The following CFAP97 variants were observed in gnomAD, a reference collection of about 807,000 sequenced individuals.
CFAP97 encodes cilia and flagella associated protein 97, also known as cilia- and flagella-associated protein 97.
Under a neutral mutation model 43.1 loss-of-function variants are expected in CFAP97, and 36 were observed. The observed-to-expected ratio is 0.84, with a 90% confidence interval of 0.64 to 1.10. The LOEUF is 1.10. Among genes scored for constraint, CFAP97 ranks in the 50% least tolerant of loss-of-function variants. The probability of loss-of-function intolerance (pLI) is 0.00; values close to 1 mark genes in which losing one functional copy is unlikely to be tolerated. For missense variants in CFAP97, 657 were observed against 620.3 expected (o/e 1.06, Z -0.63); for synonymous variants, 228 against 225.7 (o/e 1.01, Z -0.09).
chr4:185,190,187 T>C lies in CFAP97; in HGVS notation c.1010A>G (p.Gln337Arg), dbSNP rs750242030. 2.4e-5 allele frequency: 39 copies of C among 1,597,076 alleles called. 1 individual carries two copies. The Admixed American group carries it at 6.4e-4, about 26-fold the overall frequency. ...LDSSLDHRHKQKVLHDTMDLN... is the reference protein window; with the variant it reads ...LDSSLDHRHKRKVLHDTMDLN... ...ATCCATTGTGTCATGTAAGACTTTCTGTTTATGTCTGTGGTCTAAACTGGA... is the reference window on the plus strand; with the variant it reads ...ATCCATTGTGTCATGTAAGACTTTCCGTTTATGTCTGTGGTCTAAACTGGA... The change falls in exon 2 of 5, where the codon CAG becomes CGG. Residue 337 changes from glutamine to arginine, a missense_variant. Physicochemically the swap from Gln to Arg is conservative, Grantham distance 43 (BLOSUM62 1). Coordinates refer to ENST00000458385, the MANE Select transcript of CFAP97 (RefSeq NM_020827.3).
intron 1 of CFAP97, among the ~76,000 whole-genome samples, chr4:185,203,312 G>A (rs1170969026): frequency 6.6e-6 from 1 of 152,228 alleles, no homozygotes; most frequent in African/African-American, 2.4e-5. Flanking sequence ...CAAGACTAAT[G>A]CTTTCACCAA....
At chr4:185,189,684 T>C (rs1736145300) in intron 2 of CFAP97, among the ~76,000 whole-genome samples, 1 of 152,256 alleles carries the variant, frequency 6.6e-6, no homozygotes, top group South Asian at 2.1e-4. Flanking sequence ...AACTTAAAAG[T>C]CTGAAGAGTC....
At chr4:185,208,405 C>G (rs546552322), upstream of CFAP97, among the ~76,000 whole-genome samples, 8 of 152,226 alleles carry the variant, frequency 5.3e-5, no homozygotes, top group South Asian at 1.7e-3. Flanking sequence ...GCATGAGGCA[C>G]TCTTCATTTC....
Position 185,195,032 on chromosome 4 carries a change from C to T in CFAP97, c.-16-3820G>A, listed in dbSNP as rs988532889. On this transcript the variant is annotated intron_variant, in intron 1 of 4. Coordinates refer to ENST00000458385, the MANE Select transcript of CFAP97 (RefSeq NM_020827.3). ...CCTGGGCATGTACACAGGATGTTCA[C>T]GACAGCACAGCATCTACTACTGTTT... is the stretch of plus-strand genomic sequence containing the variant. Among the ~76,000 whole-genome samples the T allele has an allele frequency of 4.3e-4, 66 of 152,042 alleles. 2 individuals carry two copies. The highest frequency in any genetic ancestry group is 7.2e-5 in the African/African-American group (3 of 41,392).
intron 3 of CFAP97, among the ~76,000 whole-genome samples, chr4:185,166,483 C>T (rs766348857): frequency 1.1e-4 from 17 of 152,172 alleles, no homozygotes; most frequent in Admixed American, 7.9e-4. Context: ...TGCTGGTAGA[C>T]GTCTCAATGT....
intron 1 of CFAP97, among the ~76,000 whole-genome samples, chr4:185,196,240 G>C (rs367737772): frequency 6.6e-6 from 1 of 152,062 alleles, no homozygotes; most frequent in Admixed American, 6.5e-5. Context: ...TTGGGAGGCC[G>C]AGGTGGGCAG....
At position 185,190,134 on chromosome 4, in the gene CFAP97, GA is replaced by G. The variant is rs1486130534; in HGVS notation, c.1054+8del. 1.3e-6 allele frequency: 2 copies of G among 1,530,702 alleles called. No homozygotes were observed. Among genetic ancestry groups the G allele is most frequent in the Non-Finnish European group, 1.8e-6 (2 of 1,136,664 alleles). The allele number at this position is 1,530,702 out of a possible 1,614,324, so 94.8% of individuals were successfully genotyped here. A position where few individuals can be genotyped will look rare whatever the true frequency, so the allele number is the denominator to read the frequency against. On this transcript the variant is annotated splice_region_variant and intron_variant, in intron 2 of 4. Coordinates refer to ENST00000458385, the MANE Select transcript of CFAP97 (RefSeq NM_020827.3). ...TAAACACACATTTTTAAGAAGAAAA[GA>G]AAATTACCTTTCAAGAGATGATTCA...
At chr4:185,208,980 T>C (rs916778692), upstream of CFAP97, among the ~76,000 whole-genome samples, 1 of 152,170 alleles carries the variant, frequency 6.6e-6, no homozygotes, top group Non-Finnish European at 1.5e-5. Context: ...TTGAACTGAA[T>C]AGTTGGTAAA....
At chr4:185,173,240 G>A (rs1208085284) in intron 3 of CFAP97, among the ~76,000 whole-genome samples, 2 of 151,872 alleles carry the variant, frequency 1.3e-5, no homozygotes, top group Non-Finnish European at 1.5e-5. Flanking sequence ...GCAGGCGCCT[G>A]CAGTCCCAGC....
intron 1 of CFAP97, among the ~76,000 whole-genome samples, chr4:185,196,601 A>G (rs1255577616): frequency 6.6e-6 from 1 of 152,178 alleles, no homozygotes; most frequent in African/African-American, 2.4e-5. Flanking sequence ...AGTCTCAGGC[A>G]AGGGTTGGAA....
intron 2 of CFAP97, among the ~76,000 whole-genome samples, chr4:185,178,332 C>G (rs2111351312): frequency 7.0e-6 from 1 of 143,076 alleles, no homozygotes; most frequent in Admixed American, 7.5e-5. Flanking sequence ...ACTGCAACCT[C>G]TGCCTCCCCA....
intron 1 of CFAP97, among the ~76,000 whole-genome samples, chr4:185,203,576 A>T (rs1478867579): frequency 6.6e-6 from 1 of 152,050 alleles, no homozygotes; most frequent in Non-Finnish European, 1.5e-5. Context: ...ACAAGTAGGA[A>T]GAAGTCGTCA....
chr4:185,204,527 A>C (rs148317922), upstream of CFAP97: 1 of 152,250 alleles, frequency 6.6e-6, no homozygotes, highest in South Asian at 2.1e-4. Context: ...TGAATACAAT[A>C]ACTTCTCGTT....
In CFAP97 at chr4:185,171,921, A is replaced by C. The variant is rs111310592; in HGVS notation, c.1320+3865T>G. On this transcript the variant is annotated intron_variant, in intron 3 of 4. Coordinates refer to ENST00000458385, the MANE Select transcript of CFAP97 (RefSeq NM_020827.3). ...CTGGCTAATTTTTTATTTTTTGTAG[A>C]GATGGAATCTCACCATGTTGCTTGC... Among the ~76,000 whole-genome samples the C allele has an allele frequency of 6.6e-5, 10 of 152,200 alleles. 1 individual carries two copies. Among genetic ancestry groups the C allele is most frequent in the African/African-American group, 2.4e-4 (10 of 41,534 alleles).
chr4:185,162,978 C>T (rs1477182777), intron 4 of CFAP97, 53 bp from the exon 5 acceptor site: 4 of 1,461,624 alleles, frequency 2.7e-6, no homozygotes, highest in African/African-American at 1.4e-5. Context: ...ACTTGAAGTC[C>T]AGACTAGTTT....
upstream of CFAP97, among the ~76,000 whole-genome samples, chr4:185,207,077 A>G (rs1737218976): frequency 6.6e-6 from 1 of 152,132 alleles, no homozygotes; most frequent in South Asian, 2.1e-4. Context: ...TGCCCACATC[A>G]AGGGTGGATC....
rs1234146679 is a variant in CFAP97, at chr4:185,161,725, T to TA, written c.*1072dup. ...ATAATACTTCCAGGGTTCAATCAAA[T>TA]AAATCAAAGTAAACCAAAACAAGAA... On this transcript the variant is annotated 3_prime_UTR_variant, in exon 5 of 5. Transcript: ENST00000458385. 1.3e-5 allele frequency: 2 copies of TA among 152,174 alleles called. No homozygotes were observed. The highest frequency in any genetic ancestry group is 4.1e-4 in the South Asian group (2 of 4,828). The allele number at this position is 152,174 out of a possible 1,614,324, so 9.4% of individuals were successfully genotyped here.
chr4:185,193,887 G>GATTGATAAATAAATAA (rs1736418906), intron 1 of CFAP97, among the ~76,000 whole-genome samples: 2 of 147,674 alleles, frequency 1.4e-5, no homozygotes, highest in South Asian at 2.2e-4. Context: ...GACTCCATCT[G>GATTGATAAATAAATAA]ATAAATAAAT....
chr4:185,184,321 G>T (rs1039474593), intron 2 of CFAP97, among the ~76,000 whole-genome samples: 11 of 152,184 alleles, frequency 7.2e-5, no homozygotes, highest in African/African-American at 2.4e-4. Flanking sequence ...CTACTTCACA[G>T]ATCCCTGACT....
Sources: allele counts gnomAD v4.1 joint callset (sites outside exome capture counted in the v4.1 genomes callset), GRCh38; gene constraint gnomAD v4.1.1; transcripts MANE v1.5; gene names NCBI Gene and HGNC (gene_info 2026-07-23, HGNC 2026-07-21).